The following LUC7L2 variants were observed in gnomAD, a reference collection of about 807,000 sequenced individuals.
LUC7L2 encodes LUC7 like 2, pre-mRNA splicing factor, also known as putative RNA-binding protein Luc7-like 2.
Under a neutral mutation model 52.8 loss-of-function variants are expected in LUC7L2, and 25 were observed. The ratio of observed to expected loss-of-function variants is 0.47; its 90% CI spans 0.34 to 0.66. The LOEUF is 0.66. Among genes scored for constraint, LUC7L2 ranks in the 30% least tolerant of loss-of-function variants. The pLI is 0.01. For missense variants in LUC7L2, 328 were observed against 497.8 expected, an observed-to-expected ratio of 0.66 and a Z score of 3.25; for synonymous variants, 144 against 160.9, an observed-to-expected ratio of 0.89 and a Z score of 0.80.
intron 2 of LUC7L2, among the ~76,000 whole-genome samples, chr7:139,382,867 A>G (rs1801107397): frequency 6.6e-6 from 1 of 152,094 alleles, no homozygotes; most frequent in Non-Finnish European, 1.5e-5. Flanking sequence ...ACTCTGTTTT[A>G]AAGCCTGATC....
intron 2 of LUC7L2, among the ~76,000 whole-genome samples, chr7:139,386,290 C>G (rs1201697860): frequency 6.6e-6 from 1 of 152,174 alleles, no homozygotes; most frequent in African/African-American, 2.4e-5. Context: ...GCCTGAGCCA[C>G]TGTGCCCAGC....
chr7:139,364,630 C>T (rs978550000), intron 1 of LUC7L2, among the ~76,000 whole-genome samples: 3 of 152,146 alleles, frequency 2.0e-5, no homozygotes, highest in Admixed American at 1.3e-4. Flanking sequence ...CATCCTCATA[C>T]CCAGGAAAAT....
intron 2 of LUC7L2, among the ~76,000 whole-genome samples, chr7:139,385,293 A>G (rs1794142914): frequency 6.8e-6 from 1 of 147,740 alleles, no homozygotes. Flanking sequence ...AAAGTCTTGA[A>G]TCTATCAGTT....
intron 2 of LUC7L2, among the ~76,000 whole-genome samples, chr7:139,377,305 A>G (rs1800763059): frequency 6.6e-6 from 1 of 152,134 alleles, no homozygotes; most frequent in Non-Finnish European, 1.5e-5. Context: ...CCTGGCTTCA[A>G]GCGATTCTCC....
At chr7:139,340,746 T>C in intron 1 of LUC7L2, 1 of 377,942 alleles carries the variant, frequency 2.6e-6, no homozygotes, top group Admixed American at 4.5e-5. Flanking sequence ...AAGCCAGGGA[T>C]TGTGGGTTCG....
In LUC7L2 at chr7:139,340,789, CT is replaced by C. The variant is rs143685040; in HGVS notation, c.-26+278del. Among the ~76,000 whole-genome samples, 305 of 151,754 alleles carry C rather than the reference CT, an allele frequency of 2.0e-3. 3 individuals are homozygous for C. In the East Asian group the frequency reaches 0.053, roughly 26 times the overall value. On this transcript the variant is annotated intron_variant, in intron 1 of 10. Transcript: ENST00000541170. Reference sequence around the variant, plus strand: ...TCTGGGGTGGCCTGTGACTTTTGTCCTTTTTTCCCCTTTCTAAACAAAGCGA... The same window carrying C: ...TCTGGGGTGGCCTGTGACTTTTGTCCTTTTTCCCCTTTCTAAACAAAGCGA...
chr7:139,383,675 C>G (rs1794058679), intron 2 of LUC7L2, among the ~76,000 whole-genome samples: 1 of 151,226 alleles, frequency 6.6e-6, no homozygotes, highest in African/African-American at 2.4e-5. Flanking sequence ...CTCGGCCTTC[C>G]AAAGTGCTGG....
At chr7:139,395,391 C>G (rs1794616270) in intron 2 of LUC7L2, among the ~76,000 whole-genome samples, 1 of 152,126 alleles carries the variant, frequency 6.6e-6, no homozygotes, top group African/African-American at 2.4e-5. Context: ...TTTATTGTCA[C>G]TGAAAAACTC....
At chr7:139,399,748 C>G (rs1013241641) in intron 3 of LUC7L2, among the ~76,000 whole-genome samples, 1 of 151,874 alleles carries the variant, frequency 6.6e-6, no homozygotes, top group East Asian at 1.9e-4. Context: ...GGATTACAGG[C>G]GTGAGCCACG....
At position 139,360,165 on chromosome 7, in the gene LUC7L2, A is replaced by C; in HGVS notation, c.-97A>C. On this transcript the variant is annotated 5_prime_UTR_variant, in exon 1 of 10. Coordinates refer to ENST00000354926, the MANE Select transcript of LUC7L2 (RefSeq NM_016019.5). ...TCGAGGCGGCGGCGGCCACCGAGAC[A>C]GCAGCGCACCTTCCCCCATCCCTTC... The C allele has an allele frequency of 3.3e-6, 3 of 896,548 alleles. No individual in the cohort carries two copies. Among genetic ancestry groups the C allele is most frequent in the South Asian group, 1.6e-5 (1 of 62,540 alleles). 55.5% of individuals were successfully genotyped at this position (896,548 alleles called of 1,614,324 possible).
chr7:139,356,087 G>T (rs1799596725), upstream of LUC7L2, among the ~76,000 whole-genome samples: 1 of 152,034 alleles, frequency 6.6e-6, no homozygotes, highest in Non-Finnish European at 1.5e-5. Context: ...TGGGCAGATT[G>T]CTTGAGCCCA....
chr7:139,413,436 A>G (rs1365169980), intron 8 of LUC7L2, among the ~76,000 whole-genome samples: 2 of 152,146 alleles, frequency 1.3e-5, no homozygotes, highest in African/African-American at 4.8e-5. Context: ...TCTAGAGACT[A>G]TTTCCCAAGA....
chr7:139,415,054 G>GTTTTTTTTTTTTTTT (rs1171809951), intron 8 of LUC7L2, among the ~76,000 whole-genome samples: 1 of 54,182 alleles, frequency 1.8e-5, no homozygotes, highest in Non-Finnish European at 3.1e-5. Context: ...GCCCTGCTAA[G>GTTTTTTTTTTTTTTT]TTTTTTTTTT....
chr7:139,373,976 G>A (rs1478780479), intron 1 of LUC7L2, among the ~76,000 whole-genome samples: 1 of 151,924 alleles, frequency 6.6e-6, no homozygotes, highest in African/African-American at 2.4e-5. Flanking sequence ...ATATAATTAG[G>A]GTACAGATTT....
At chr7:139,373,317 A>C (rs1164705776) in intron 1 of LUC7L2, among the ~76,000 whole-genome samples, 1 of 152,224 alleles carries the variant, frequency 6.6e-6, no homozygotes, top group African/African-American at 2.4e-5. Flanking sequence ...AGAACTTTAA[A>C]AATATCAATA....
At chr7:139,404,316 C>T (rs1795031489) in intron 4 of LUC7L2, among the ~76,000 whole-genome samples, 1 of 152,126 alleles carries the variant, frequency 6.6e-6, no homozygotes, top group Non-Finnish European at 1.5e-5. Flanking sequence ...TTGAGACCAG[C>T]CTGGCCACCA....
At chr7:139,360,797 A>T (rs963360998) in intron 1 of LUC7L2, among the ~76,000 whole-genome samples, 11 of 152,082 alleles carry the variant, frequency 7.2e-5, no homozygotes, top group African/African-American at 2.7e-4. Context: ...AACCTTTATT[A>T]CTAACCCAGT....
At chr7:139,357,359 C>A (rs781273152), upstream of LUC7L2, among the ~76,000 whole-genome samples, 1 of 152,014 alleles carries the variant, frequency 6.6e-6, no homozygotes, top group Admixed American at 6.5e-5. Context: ...TTTCACTCCT[C>A]AATTTTGATC....
At position 139,422,365 on chromosome 7, in the gene LUC7L2, C is replaced by T; in HGVS notation, c.*25C>T. 6.3e-7 allele frequency: 1 copy of T among 1,589,672 alleles called. No homozygotes were observed. Among genetic ancestry groups the T allele is most frequent in the Non-Finnish European group, 8.5e-7 (1 of 1,169,866 alleles). Reference sequence around the variant, plus strand: ...ACTAGCTGTGTACATTTCTTCAGTCCTTAAGCTTCCTACGGAGTTACGTAC... The same window carrying T: ...ACTAGCTGTGTACATTTCTTCAGTCTTTAAGCTTCCTACGGAGTTACGTAC... On this transcript the variant is annotated 3_prime_UTR_variant, in exon 10 of 10. Coordinates refer to ENST00000354926, the MANE Select transcript of LUC7L2 (RefSeq NM_016019.5).
Sources: allele counts gnomAD v4.1 joint callset (sites outside exome capture counted in the v4.1 genomes callset), GRCh38; gene constraint gnomAD v4.1.1; transcripts MANE v1.5; gene names NCBI Gene and HGNC (gene_info 2026-07-23, HGNC 2026-07-21).